KCNAB1: variants seen among roughly 807,000 people sequenced by gnomAD.
The protein encoded by KCNAB1 is voltage-gated potassium channel subunit beta-1.
In KCNAB1, 35 loss-of-function variants were observed where a neutral mutation model predicts 64.6. That is an observed-to-expected ratio of 0.54 (90% CI 0.41 to 0.72). The LOEUF is 0.72. Among genes scored for constraint, KCNAB1 ranks in the 30% least tolerant of loss-of-function variants. KCNAB1 has a pLI of 0.00. For synonymous variants in KCNAB1, 177 were observed against 183.8 expected, an observed-to-expected ratio of 0.96 and a Z score of 0.30; for missense variants, 401 against 512.9, an observed-to-expected ratio of 0.78 and a Z score of 2.11.
intron 2 of KCNAB1, among the ~76,000 whole-genome samples, chr3:156,422,115 C>T (rs994786774): frequency 1.3e-5 from 2 of 151,978 alleles, no homozygotes; most frequent in Non-Finnish European, 2.9e-5. Flanking sequence ...TTTGGGGGGG[C>T]AAGGTGAGAT....
chr3:156,134,432 A>G (rs956243501), intron 1 of KCNAB1, among the ~76,000 whole-genome samples: 2 of 152,198 alleles, frequency 1.3e-5, no homozygotes, highest in African/African-American at 4.8e-5. Context: ...GTCGTGTTCA[A>G]ATTATGACCA....
intron 1 of KCNAB1, among the ~76,000 whole-genome samples, chr3:156,158,328 T>C (rs1426225694): frequency 6.6e-6 from 1 of 152,058 alleles, no homozygotes; most frequent in Non-Finnish European, 1.5e-5. Context: ...GTGAGATAGC[T>C]CAGATCTAAA....
intron 1 of KCNAB1, among the ~76,000 whole-genome samples, chr3:156,320,085 A>G (rs1027288246): frequency 6.6e-6 from 1 of 152,152 alleles, no homozygotes; most frequent in Admixed American, 6.5e-5. Context: ...TCCTTTCTAC[A>G]TTCTCTGAGG....
At chr3:156,257,496 G>A (rs1718164726) in intron 1 of KCNAB1, among the ~76,000 whole-genome samples, 1 of 152,132 alleles carries the variant, frequency 6.6e-6, no homozygotes, top group Admixed American at 6.5e-5. Context: ...TGCTTTGCCT[G>A]TTCTATGTCC....
intron 7 of KCNAB1, 56 bp downstream of exon 7, chr3:156,465,742 G>A (rs377430816): frequency 2.8e-6 from 4 of 1,410,926 alleles, no homozygotes; most frequent in Non-Finnish European, 3.0e-6. Flanking sequence ...TTCAAGAAAG[G>A]TATCAACCAA....
intron 1 of KCNAB1, among the ~76,000 whole-genome samples, chr3:156,340,273 A>C (rs1724007931): frequency 6.6e-6 from 1 of 152,204 alleles, no homozygotes; most frequent in Non-Finnish European, 1.5e-5. Flanking sequence ...AAGCTGAAAA[A>C]ATAAAATAAA....
At chr3:156,526,296 A>C (rs1029599808) in intron 12 of KCNAB1, among the ~76,000 whole-genome samples, 2 of 152,192 alleles carry the variant, frequency 1.3e-5, no homozygotes, top group Non-Finnish European at 2.9e-5. Flanking sequence ...CATTTCTCAG[A>C]ACGTGTCCCT....
intron 1 of KCNAB1, among the ~76,000 whole-genome samples, chr3:156,398,436 C>T (rs963288433): frequency 2.4e-4 from 36 of 151,804 alleles, no homozygotes; most frequent in Non-Finnish European, 2.4e-4. Flanking sequence ...ACTAAAAATT[C>T]AAAAAATTAG....
At chr3:156,238,685 G>A (rs1576634559) in intron 1 of KCNAB1, among the ~76,000 whole-genome samples, 1 of 151,994 alleles carries the variant, frequency 6.6e-6, no homozygotes, top group Non-Finnish European at 1.5e-5. Flanking sequence ...TACCAGTTTT[G>A]AGTAGTTGAC....
chr3:156,516,274 T>A lies in KCNAB1; in HGVS notation c.870T>A (p.Val290=). The A allele has an allele frequency of 6.2e-7, 1 of 1,613,242 alleles. No homozygotes were observed. Residue 290 remains valine (V), a synonymous_variant, in exon 11 of 14, where the codon GTT becomes GTA. Transcript: ENST00000490337. Reference sequence around the variant, plus strand: ...TCTAAGTTTTTTCTTCTGTAGGTGTTGGCGCAATGACATGGTCTCCACTTG... The same window carrying A: ...TCTAAGTTTTTTCTTCTGTAGGTGTAGGCGCAATGACATGGTCTCCACTTG... ...QLPELYHKIG[V]GAMTWSPLAC...
chr3:156,141,583 G>A (rs781683406), intron 1 of KCNAB1, among the ~76,000 whole-genome samples: 40 of 151,674 alleles, frequency 2.6e-4, no homozygotes, highest in Middle Eastern at 3.2e-3. Context: ...TATTCAACTG[G>A]TTGTTTTGAC....
chr3:156,185,329 A>AC (rs1186267439), intron 1 of KCNAB1, among the ~76,000 whole-genome samples: 3 of 152,122 alleles, frequency 2.0e-5, no homozygotes, highest in Non-Finnish European at 4.4e-5. Context: ...CTCCATAGCT[A>AC]CCTTCCAGCC....
chr3:156,135,762 A>G (rs1378555156), intron 1 of KCNAB1, among the ~76,000 whole-genome samples: 3 of 152,214 alleles, frequency 2.0e-5, no homozygotes, highest in Non-Finnish European at 4.4e-5. Flanking sequence ...CTTGTCATGG[A>G]CAAGTTCCAG....
intron 1 of KCNAB1, among the ~76,000 whole-genome samples, chr3:156,311,772 G>T (rs570202165): frequency 1.2e-4 from 19 of 152,190 alleles, no homozygotes; most frequent in Admixed American, 6.5e-4. Flanking sequence ...AACCTCTGGT[G>T]TGGGGCTAAG....
At chr3:156,165,139 G>A (rs1193014060) in intron 1 of KCNAB1, among the ~76,000 whole-genome samples, 4 of 150,922 alleles carry the variant, frequency 2.7e-5, no homozygotes, top group Non-Finnish European at 5.9e-5. Context: ...TTAGCCGGGC[G>A]TAGTGGCGGG....
At chr3:156,517,959 T>C (rs1431176673) in intron 11 of KCNAB1, among the ~76,000 whole-genome samples, 1 of 152,228 alleles carries the variant, frequency 6.6e-6, no homozygotes, top group Non-Finnish European at 1.5e-5. Flanking sequence ...CTCAAAGACA[T>C]CTTTATTTCT....
intron 1 of KCNAB1, among the ~76,000 whole-genome samples, chr3:156,303,566 C>T (rs1560184552): frequency 6.6e-6 from 1 of 152,138 alleles, no homozygotes; most frequent in Non-Finnish European, 1.5e-5. Context: ...GGAAGCAAAG[C>T]ATGGGTTAGA....
At chr3:156,382,652 G>A (rs950931590) in intron 1 of KCNAB1, among the ~76,000 whole-genome samples, 1 of 152,160 alleles carries the variant, frequency 6.6e-6, no homozygotes, top group Non-Finnish European at 1.5e-5. Context: ...CCCCCTTGTG[G>A]TGAGGTGGGG....
At chr3:156,181,503 C>A (rs1470497768) in intron 1 of KCNAB1, among the ~76,000 whole-genome samples, 1 of 152,148 alleles carries the variant, frequency 6.6e-6, no homozygotes, top group Non-Finnish European at 1.5e-5. Context: ...GTCAATCAAA[C>A]AATGATGTGT....
Sources: gnomAD v4.1 joint callset for allele counts (sites outside exome capture counted in the v4.1 genomes callset) on GRCh38, gnomAD v4.1.1 for gene constraint, MANE v1.5 for transcripts, NCBI Gene and HGNC (gene_info 2026-07-23, HGNC 2026-07-21) for gene names.